The following TMTC1 variants were observed in gnomAD, a reference collection of about 807,000 sequenced individuals.
TMTC1 encodes the protein protein O-mannosyl-transferase TMTC1.
TMTC1 carries 73 observed loss-of-function variants against 104.8 expected under a neutral mutation model. That is an observed-to-expected ratio of 0.70 (90% confidence interval 0.58 to 0.85). The LOEUF is 0.85. Among genes scored for constraint, TMTC1 ranks in the 40% least tolerant of loss-of-function variants. TMTC1 has a pLI of 0.00. For missense variants in TMTC1, 1,035 were observed against 1,096.1 expected, an observed-to-expected ratio of 0.94 and a Z score of 0.79; for synonymous variants, 434 against 428.7, an observed-to-expected ratio of 1.01 and a Z score of -0.15.
At chr12:29,610,303 C>A (rs529441788) in intron 6 of TMTC1, among the ~76,000 whole-genome samples, 69 of 151,984 alleles carry the variant, frequency 4.5e-4, no homozygotes, top group Non-Finnish European at 8.2e-4. Flanking sequence ...TTTCAGCCCT[C>A]GAGTGAAGCA....
At chr12:29,775,898 G>A (rs144483763) in intron 1 of TMTC1, among the ~76,000 whole-genome samples, 11 of 152,120 alleles carry the variant, frequency 7.2e-5, no homozygotes, top group African/African-American at 2.7e-4. Flanking sequence ...ATAAACTTAG[G>A]TGTGATCCCA....
intron 5 of TMTC1, among the ~76,000 whole-genome samples, chr12:29,665,532 C>G (rs946104952): frequency 6.6e-6 from 1 of 152,184 alleles, no homozygotes; most frequent in African/African-American, 2.4e-5. Context: ...AACCAGCCAA[C>G]CATAATCATC....
At chr12:29,781,883 A>C (rs1186548618) in intron 1 of TMTC1, among the ~76,000 whole-genome samples, 1 of 152,204 alleles carries the variant, frequency 6.6e-6, no homozygotes, top group Admixed American at 6.5e-5. Flanking sequence ...CCTTCTAGAA[A>C]GTCAAGAAGT....
intron 5 of TMTC1, among the ~76,000 whole-genome samples, chr12:29,710,110 C>T (rs1466559073): frequency 6.6e-6 from 1 of 152,048 alleles, no homozygotes; most frequent in Non-Finnish European, 1.5e-5. Flanking sequence ...ACAATCAGTA[C>T]GTAGAGTCTA....
At chr12:29,516,620 C>T (rs1943994586) in intron 14 of TMTC1, 134 bp from the exon 15 acceptor site, 1 of 1,090,714 alleles carries the variant, frequency 9.2e-7, no homozygotes, top group Non-Finnish European at 1.2e-6. Flanking sequence ...ATAGAGAAGG[C>T]TGAATCACCA....
At chr12:29,728,991 C>A (rs1942477268) in intron 5 of TMTC1, among the ~76,000 whole-genome samples, 1 of 136,882 alleles carries the variant, frequency 7.3e-6, no homozygotes, top group Non-Finnish European at 1.6e-5. Flanking sequence ...GTGCAAGACT[C>A]CATCTCCAAA....
intron 5 of TMTC1, among the ~76,000 whole-genome samples, chr12:29,714,968 C>A (rs1309089705): frequency 6.6e-6 from 1 of 152,188 alleles, no homozygotes; most frequent in Non-Finnish European, 1.5e-5. Context: ...TCACATTAGC[C>A]CTTACTTTTT....
chr12:29,538,534 G>GAA (rs11388932), intron 10 of TMTC1, among the ~76,000 whole-genome samples: 83 of 150,964 alleles, frequency 5.5e-4, no homozygotes, highest in Admixed American at 1.8e-3. Flanking sequence ...AATCAGGAGA[G>GAA]AAAAAAAAAC....
Position 29,778,338 on chromosome 12 carries a change from C to A in TMTC1, c.302+5112G>T, listed in dbSNP as rs553413691. Among the ~76,000 whole-genome samples, 4 of 152,128 alleles carry A rather than the reference C, an allele frequency of 2.6e-5. No individual in the cohort carries two copies. In the South Asian group the frequency reaches 6.2e-4, roughly 24 times the overall value. On this transcript the variant is annotated intron_variant, in intron 1 of 17. Transcript: ENST00000539277. ...CTGCTTACTGAATGGAATGGCACTG[C>A]GAACAATTCAGCAGTATCTTCTTCC...
chr12:29,626,708 TA>T (rs1938011522), intron 6 of TMTC1, among the ~76,000 whole-genome samples: 1 of 152,222 alleles, frequency 6.6e-6, no homozygotes, highest in South Asian at 2.1e-4. Context: ...AAAACAGTCA[TA>T]AATCTTCATG....
At chr12:29,633,371 C>A (rs779087739) in intron 5 of TMTC1, 35 bp from the exon 6 acceptor site, 3 of 1,528,378 alleles carry the variant, frequency 2.0e-6, no homozygotes, top group South Asian at 2.5e-5. Flanking sequence ...AAACACTGCT[C>A]AAGAACCATG....
chr12:29,529,730 T>G (rs1309177034), intron 11 of TMTC1: 1 of 152,194 alleles, frequency 6.6e-6, no homozygotes, highest in East Asian at 1.9e-4. Context: ...GTATGAGCAT[T>G]TATGAGAAAC....
intron 6 of TMTC1, among the ~76,000 whole-genome samples, chr12:29,612,811 AGTTACTGACTT>A (rs1369449017): frequency 6.6e-6 from 1 of 152,210 alleles, no homozygotes; most frequent in East Asian, 1.9e-4. Context: ...GACTGATCTT[AGTTACTGACTT>A]GTAAGTCGAT....
At position 29,729,828 on chromosome 12, in the gene TMTC1, G is replaced by A. The variant is rs144755654; in HGVS notation, c.938+21838C>T. Among the ~76,000 whole-genome samples the A allele has an allele frequency of 8.5e-5, 13 of 152,232 alleles. 1 individual carries two copies. In the East Asian group the frequency reaches 1.2e-3, roughly 14 times the overall value. ...ATACTATTCTAGGTGCTGAGGACAC[G>A]AAAGTAAAATAAAAAGGACAAGATC... On this transcript the variant is annotated intron_variant, in intron 5 of 17. Transcript: ENST00000539277.
chr12:29,737,019 T>C (rs1430880121), intron 5 of TMTC1, among the ~76,000 whole-genome samples: 1 of 152,252 alleles, frequency 6.6e-6, no homozygotes, highest in Non-Finnish European at 1.5e-5. Flanking sequence ...GCTAGTTCAC[T>C]GCTGCGTCAG....
At chr12:29,617,917 G>C (rs544178547) in intron 6 of TMTC1, among the ~76,000 whole-genome samples, 1 of 152,262 alleles carries the variant, frequency 6.6e-6, no homozygotes, top group African/African-American at 2.4e-5. Context: ...ATAAATACAA[G>C]AAGGGCATGA....
In TMTC1 at chr12:29,506,104, ACC is replaced by A. The variant is rs1565630516; in HGVS notation, c.*740_*741del. 1 of 152,108 alleles carries A rather than the reference ACC, an allele frequency of 6.6e-6. No individual in the cohort carries two copies. Among genetic ancestry groups the A allele is most frequent in the African/African-American group, 2.4e-5 (1 of 41,412 alleles). 9.4% of individuals were successfully genotyped at this position (152,108 alleles called of 1,614,324 possible). On this transcript the variant is annotated 3_prime_UTR_variant, in exon 18 of 18. Coordinates refer to ENST00000539277, the MANE Select transcript of TMTC1 (RefSeq NM_001193451.2). ...TGCACTTTTGAAATCTTAGAGTAGA[ACC>A]ACCACTCTAGTAATACTTGTAATAA...
chr12:29,535,551 T>C (rs1944618874), intron 11 of TMTC1: 1 of 152,294 alleles, frequency 6.6e-6, no homozygotes, highest in Admixed American at 6.5e-5. Context: ...GTTTTAAAGA[T>C]AATCTGGTAA....
At chr12:29,584,058 G>A (rs926836837) in intron 7 of TMTC1, among the ~76,000 whole-genome samples, 7 of 152,164 alleles carry the variant, frequency 4.6e-5, no homozygotes, top group Non-Finnish European at 1.0e-4. Context: ...TGGTCACCAA[G>A]GAGGACTGTT....
Sources: allele counts gnomAD v4.1 joint callset (sites outside exome capture counted in the v4.1 genomes callset), GRCh38; gene constraint gnomAD v4.1.1; transcripts MANE v1.5; gene names NCBI Gene and HGNC (gene_info 2026-07-23, HGNC 2026-07-21).